ZNF589: variants seen among roughly 807,000 people sequenced by gnomAD.
ZNF589 encodes zinc finger protein 589, also known as KRAB-zinc finger protein SZF1-1.
In ZNF589, 17 loss-of-function variants were observed where a neutral mutation model predicts 13.6. That is an observed-to-expected ratio of 1.25 (90% CI 0.86 to 1.88). The LOEUF is 1.88. Among genes scored for constraint, ZNF589 ranks in the 40% most tolerant of loss-of-function variants. The pLI is 0.00. For synonymous variants in ZNF589, 148 were observed against 161.6 expected (o/e 0.92, Z 0.64); for missense variants, 407 against 434.0 (o/e 0.94, Z 0.55).
At position 48,242,465 on chromosome 3, in the gene ZNF589, T is replaced by C. The variant is rs112963447; in HGVS notation, c.43+1251T>C. Among the ~76,000 whole-genome samples, 331 of 151,696 alleles carry C rather than the reference T, an allele frequency of 2.2e-3. 3 individuals are homozygous for C. Among genetic ancestry groups the C allele is most frequent in the African/African-American group, 7.2e-3 (297 of 41,396 alleles). On this transcript the variant is annotated intron_variant, in intron 1 of 3. Transcript: ENST00000354698. ...ACAGTCTAGAACAGGGCTGGGCAAATTTTTTTCTGTTTGGTTTTTTTAGAA... is the reference window on the plus strand; with the variant it reads ...ACAGTCTAGAACAGGGCTGGGCAAACTTTTTTCTGTTTGGTTTTTTTAGAA...
chr3:48,268,091 G>T lies in ZNF589; in HGVS notation c.400G>T (p.Asp134Tyr). ...EDQPQSQHPSDKNHRGAEAED... is the reference protein window; with the variant it reads ...EDQPQSQHPSYKNHRGAEAED... ...TCAGCCACAGTCACAACATCCTTCTGATAAAAATCACAGGGGGGCTGAAGC... is the reference window on the plus strand; with the variant it reads ...TCAGCCACAGTCACAACATCCTTCTTATAAAAATCACAGGGGGGCTGAAGC... Residue 134 changes from aspartate (D) to tyrosine (Y), a missense_variant, in exon 4 of 4, where the codon GAT becomes TAT. Physicochemically the swap from Asp to Tyr is radical, Grantham distance 160 (BLOSUM62 -3). Transcript: ENST00000354698. The T allele has an allele frequency of 6.2e-7, 1 of 1,614,180 alleles. No individual in the cohort carries two copies. The highest frequency in any genetic ancestry group is 1.1e-5 in the South Asian group (1 of 91,086).
rs2034060391 is a variant in ZNF589 at position 48,269,159 on chromosome 3, C to T, written c.*373C>T. On this transcript the variant is annotated 3_prime_UTR_variant, in exon 4 of 4. Transcript: ENST00000354698. ...TAGCCTCAAGTCCGCTCTTAGTGTA[C>T]ATCAGAGGATACACTCTGGGGAGAA... 4.5e-6 allele frequency: 4 copies of T among 894,506 alleles called. No homozygotes were observed. Among genetic ancestry groups the T allele is most frequent in the Admixed American group, 4.6e-5 (2 of 43,802 alleles). The allele number at this position is 894,506 out of a possible 1,614,324, so 55.4% of individuals were successfully genotyped here. A position where few individuals can be genotyped will look rare whatever the true frequency, so the allele number is the denominator to read the frequency against.
At chr3:48,266,820 C>A (rs2034024434) in intron 3 of ZNF589, among the ~76,000 whole-genome samples, 1 of 152,196 alleles carries the variant, frequency 6.6e-6, no homozygotes, top group East Asian at 1.9e-4. Context: ...ATCCAGACAT[C>A]CTCAGTGTTG....
chr3:48,242,253 G>A (rs2033706942), intron 1 of ZNF589, among the ~76,000 whole-genome samples: 1 of 152,078 alleles, frequency 6.6e-6, no homozygotes, highest in Admixed American at 6.6e-5. Flanking sequence ...TGGAATTACA[G>A]GGACACGCCA....
chr3:48,261,808 G>A (rs2033971391), intron 3 of ZNF589, among the ~76,000 whole-genome samples: 1 of 152,076 alleles, frequency 6.6e-6, no homozygotes, highest in Non-Finnish European at 1.5e-5. Flanking sequence ...ATTTGAATTG[G>A]CCTCATTTCA....
At chr3:48,254,502 A>C (rs1279044033) in intron 2 of ZNF589, among the ~76,000 whole-genome samples, 1 of 152,236 alleles carries the variant, frequency 6.6e-6, no homozygotes, top group Non-Finnish European at 1.5e-5. Flanking sequence ...ATAGGTACAA[A>C]ATAGCTTGCT....
At position 48,268,160 on chromosome 3, in the gene ZNF589, A is replaced by T. The variant is rs764255242; in HGVS notation, c.469A>T (p.Ser157Cys). Residue 157 changes from serine (S) to cysteine (C), a missense_variant, in exon 4 of 4, where the codon AGT (serine) becomes TGT (cysteine). Ser to Cys is a moderately radical substitution (Grantham distance 112). Coordinates refer to ENST00000354698, the MANE Select transcript of ZNF589 (RefSeq NM_016089.3). Reference protein sequence around the residue: ...VEGGVRPLFWSTNERGALVGF... With the variant: ...VEGGVRPLFWCTNERGALVGF... ...AGGAGGCGTCAGACCCTTGTTTTGG[A>T]GTACAAATGAAAGGGGGGCTTTAGT... is the stretch of plus-strand genomic sequence containing the variant. 7 of 1,613,276 alleles carry T rather than the reference A, an allele frequency of 4.3e-6. No individual in the cohort carries two copies. Among genetic ancestry groups the T allele is most frequent in the Admixed American group, 1.7e-5 (1 of 59,916 alleles).
At chr3:48,264,905 T>C (rs1270772923) in intron 3 of ZNF589, among the ~76,000 whole-genome samples, 1 of 152,232 alleles carries the variant, frequency 6.6e-6, no homozygotes, top group Non-Finnish European at 1.5e-5. Flanking sequence ...CTGTTCCTGC[T>C]TCTAGGGCAG....
chr3:48,246,759 C>T (rs1320178360), intron 1 of ZNF589, among the ~76,000 whole-genome samples: 2 of 152,154 alleles, frequency 1.3e-5, no homozygotes, highest in East Asian at 1.9e-4. Flanking sequence ...AGCTCTGCCT[C>T]CCGGGTTCAT....
At chr3:48,267,681 C>T (rs1225847033) in intron 3 of ZNF589, among the ~76,000 whole-genome samples, 2 of 152,220 alleles carry the variant, frequency 1.3e-5, no homozygotes, top group Non-Finnish European at 2.9e-5. Context: ...AGGCGTGAGC[C>T]ACTGTGCCCA....
At chr3:48,247,437 G>T (rs1343322188) in intron 1 of ZNF589, among the ~76,000 whole-genome samples, 188 bp from the exon 2 acceptor site, 1 of 152,058 alleles carries the variant, frequency 6.6e-6, no homozygotes, top group African/African-American at 2.4e-5. Flanking sequence ...CTGTAAAAAT[G>T]TAATAGGGAA....
At chr3:48,245,093 G>A (rs924828565) in intron 1 of ZNF589, among the ~76,000 whole-genome samples, 2 of 151,812 alleles carry the variant, frequency 1.3e-5, no homozygotes, top group East Asian at 3.9e-4. Context: ...CTTGAGCCAC[G>A]CCCAGCCATT....
rs112593243 is a variant in ZNF589 at position 48,262,249 on chromosome 3, A to G, written c.223+1310A>G. On this transcript the variant is annotated intron_variant, in intron 3 of 3. Coordinates refer to ENST00000354698, the MANE Select transcript of ZNF589 (RefSeq NM_016089.3). ...TCATTGCCCAAGCTGGAGTGCAGTG[A>G]TGCGATCTTGGCTCACTGCAACCTT... Among the ~76,000 whole-genome samples, 330 of 152,162 alleles carry G rather than the reference A, an allele frequency of 2.2e-3. 3 individuals are homozygous for G. The highest frequency in any genetic ancestry group is 7.1e-3 in the African/African-American group (296 of 41,504).
At chr3:48,243,411 T>A (rs1412436340) in intron 1 of ZNF589, among the ~76,000 whole-genome samples, 1 of 152,202 alleles carries the variant, frequency 6.6e-6, no homozygotes, top group Non-Finnish European at 1.5e-5. Flanking sequence ...CTGTTTGTCC[T>A]GTGTGGGAGC....
chr3:48,270,196 G>C lies in ZNF589; in HGVS notation c.*1410G>C, dbSNP rs866180363. On this transcript the variant is annotated 3_prime_UTR_variant, in exon 4 of 4. Coordinates refer to ENST00000354698, the MANE Select transcript of ZNF589 (RefSeq NM_016089.3). ...ACCCCACCTTTAGATTTTACTCAGA[G>C]TTCAGTCTCCAGCCCTACAATCTGA... is the stretch of plus-strand genomic sequence containing the variant. 1 of 456,950 alleles carries C rather than the reference G, an allele frequency of 2.2e-6. No individual in the cohort carries two copies. Among genetic ancestry groups the C allele is most frequent in the African/African-American group, 2.0e-5 (1 of 49,984 alleles). The allele number at this position is 456,950 out of a possible 1,614,324, so 28.3% of individuals were successfully genotyped here.
At chr3:48,245,493 C>A (rs886365356) in intron 1 of ZNF589, among the ~76,000 whole-genome samples, 1 of 152,164 alleles carries the variant, frequency 6.6e-6, no homozygotes. Context: ...GCTGCTAAGA[C>A]CCTCGTCCCC....
Position 48,268,909 on chromosome 3 carries a change from C to G in ZNF589, c.*123C>G. 9 of 1,333,862 alleles carry G rather than the reference C, an allele frequency of 6.7e-6. No homozygotes were observed. The South Asian group carries it at 1.3e-4, about 19-fold the overall frequency. 82.6% of individuals were successfully genotyped at this position (1,333,862 alleles called of 1,614,324 possible). A position where few individuals can be genotyped will look rare whatever the true frequency, so the allele number is the denominator to read the frequency against. Reference sequence around the variant, plus strand: ...GTGCTAAATCAACTCTCCTCCTACACCAGTGGACACATTCAGAGGTGAAAC... The same window carrying G: ...GTGCTAAATCAACTCTCCTCCTACAGCAGTGGACACATTCAGAGGTGAAAC... On this transcript the variant is annotated 3_prime_UTR_variant, in exon 4 of 4. Coordinates refer to ENST00000354698, the MANE Select transcript of ZNF589 (RefSeq NM_016089.3).
intron 3 of ZNF589, among the ~76,000 whole-genome samples, chr3:48,266,211 T>C (rs2034017436): frequency 6.6e-6 from 1 of 152,224 alleles, no homozygotes; most frequent in African/African-American, 2.4e-5. Context: ...CCCCCTGACA[T>C]AGATGCAATA....
At chr3:48,253,997 G>A (rs765253178) in intron 2 of ZNF589, among the ~76,000 whole-genome samples, 50 of 152,104 alleles carry the variant, frequency 3.3e-4, no homozygotes, top group Admixed American at 3.3e-4. Context: ...GGCTGCCGTG[G>A]GAGGATCACT....
Sources: gnomAD v4.1 joint callset for allele counts (sites outside exome capture counted in the v4.1 genomes callset) on GRCh38, gnomAD v4.1.1 for gene constraint, MANE v1.5 for transcripts, NCBI Gene and HGNC (gene_info 2026-07-23, HGNC 2026-07-21) for gene names.